The following WDPCP variants were observed in gnomAD, a reference collection of about 807,000 sequenced individuals.
WDPCP encodes WD repeat containing planar cell polarity effector.
In WDPCP, 71 loss-of-function variants were observed where a neutral mutation model predicts 93.1. That is an observed-to-expected ratio of 0.76 (90% confidence interval 0.63 to 0.93). The LOEUF is 0.93. Ranked by LOEUF, WDPCP falls within the 40% of genes least tolerant of loss-of-function variation. The pLI, the probability that WDPCP is intolerant of heterozygous loss-of-function variation, is 0.00. For synonymous variants in WDPCP, 315 were observed against 315.0 expected, an observed-to-expected ratio of 1.00 and a Z score of 0.00; for missense variants, 844 against 887.4, an observed-to-expected ratio of 0.95 and a Z score of 0.62.
intron 12 of WDPCP, among the ~76,000 whole-genome samples, chr2:63,363,403 G>T (rs545488394): frequency 6.6e-6 from 1 of 152,194 alleles, no homozygotes; most frequent in African/African-American, 2.4e-5. Context: ...TTTGAGACCA[G>T]CCTGGGCAAC....
intron 12 of WDPCP, among the ~76,000 whole-genome samples, chr2:63,329,416 T>C (rs1687817165): frequency 6.6e-6 from 1 of 152,214 alleles, no homozygotes; most frequent in South Asian, 2.1e-4. Context: ...TTTTTGCAAG[T>C]ACATTGCTTT....
In WDPCP at chr2:63,308,124, A is replaced by G. The variant is rs374038189; in HGVS notation, c.1812+5124T>C. ...ACTTCTCAAAAGAAGACATTTATGC[A>G]GCAACAAACATATGAAAAAAAGCTC... On this transcript the variant is annotated intron_variant, in intron 13 of 17. Transcript: ENST00000272321. Among the ~76,000 whole-genome samples the G allele has an allele frequency of 8.5e-5, 13 of 152,232 alleles. No homozygotes were observed. The East Asian group carries it at 1.2e-3, about 14-fold the overall frequency.
chr2:63,727,432 C>T (rs538141529), intron 2 of WDPCP, among the ~76,000 whole-genome samples: 1 of 152,216 alleles, frequency 6.6e-6, no homozygotes, highest in African/African-American at 2.4e-5. Context: ...TTCATGTCCT[C>T]CTGGATTCAG....
At chr2:63,812,545 C>T (rs1670877772) in intron 2 of WDPCP, among the ~76,000 whole-genome samples, 1 of 152,166 alleles carries the variant, frequency 6.6e-6, no homozygotes, top group Admixed American at 6.5e-5. Context: ...TATAAGCATT[C>T]CCTTTTCTCC....
chr2:63,351,963 T>C (rs1315696117), intron 12 of WDPCP, among the ~76,000 whole-genome samples: 2 of 152,226 alleles, frequency 1.3e-5, no homozygotes, highest in African/African-American at 4.8e-5. Context: ...TACCAGCCAT[T>C]CTGATTGGTG....
At chr2:63,185,506 C>G (rs1181069935) in intron 14 of WDPCP, among the ~76,000 whole-genome samples, 4 of 152,036 alleles carry the variant, frequency 2.6e-5, no homozygotes, top group South Asian at 4.2e-4. Context: ...GTATGAATTC[C>G]TTGGTTGTAA....
chr2:63,602,934 CT>C (rs370479356), intron 3 of WDPCP, among the ~76,000 whole-genome samples: 1 of 131,624 alleles, frequency 7.6e-6, no homozygotes, highest in Non-Finnish European at 1.7e-5. Flanking sequence ...TTTAACCGTT[CT>C]TTTTTTTTTT....
chr2:63,446,650 G>C (rs146328106), intron 6 of WDPCP, among the ~76,000 whole-genome samples: 1 of 152,176 alleles, frequency 6.6e-6, no homozygotes, highest in Non-Finnish European at 1.5e-5. Flanking sequence ...GTGGTGGGCA[G>C]TGCACAGTCC....
chr2:63,291,700 T>C (rs1246380568), intron 13 of WDPCP, among the ~76,000 whole-genome samples: 3 of 151,670 alleles, frequency 2.0e-5, no homozygotes, highest in Non-Finnish European at 2.9e-5. Flanking sequence ...TCCCAGGTAC[T>C]TGGGAGGGAG....
Position 63,790,384 on chromosome 2 carries a change from T to A in WDPCP, n.308+23238A>T, listed in dbSNP as rs377531029. ...AGAAGAAACCAAACCAATAACAGAG[T>A]CAGTACCAGCCACAGGGAAGCAAGG... On this transcript the variant is annotated intron_variant and non_coding_transcript_variant, in intron 2 of 4. Transcript: ENST00000467687. 1.6e-4 allele frequency among the ~76,000 whole-genome samples: 24 copies of A among 151,692 alleles called. No individual in the cohort carries two copies. The East Asian group carries it at 2.3e-3, about 15-fold the overall frequency.
At chr2:63,158,131 A>G (rs1012171597) in intron 15 of WDPCP, among the ~76,000 whole-genome samples, 3 of 151,612 alleles carry the variant, frequency 2.0e-5, no homozygotes, top group Non-Finnish European at 4.4e-5. Context: ...AATTTTCTCT[A>G]TTTCTTTCTG....
intron 14 of WDPCP, among the ~76,000 whole-genome samples, chr2:63,219,277 T>C (rs552684726): frequency 6.6e-6 from 1 of 152,300 alleles, no homozygotes; most frequent in South Asian, 2.1e-4. Context: ...AATTTACAAG[T>C]AGGGTGTGGC....
At chr2:63,321,335 T>C (rs1318508308) in intron 12 of WDPCP, among the ~76,000 whole-genome samples, 1 of 151,954 alleles carries the variant, frequency 6.6e-6, no homozygotes, top group Non-Finnish European at 1.5e-5. Context: ...TATATATATA[T>C]ATATATACAT....
At chr2:63,840,649 C>G in the WDPCP span, among the ~76,000 whole-genome samples, 1 of 152,204 alleles carries the variant, frequency 6.6e-6, no homozygotes, top group African/African-American at 2.4e-5. Flanking sequence ...GTGGGGAGCT[C>G]CGGCTCTATC....
chr2:63,185,591 C>A, intron 14 of WDPCP, among the ~76,000 whole-genome samples: 1 of 152,148 alleles, frequency 6.6e-6, no homozygotes. Flanking sequence ...AGGCGCATGA[C>A]CTCCTGTGAA....
chr2:63,557,456 G>T (rs1706215717), intron 1 of WDPCP, among the ~76,000 whole-genome samples: 1 of 152,140 alleles, frequency 6.6e-6, no homozygotes, highest in Non-Finnish European at 1.5e-5. Context: ...AACAAGAAAA[G>T]CTAACTATCC....
intron 1 of WDPCP, among the ~76,000 whole-genome samples, chr2:63,557,666 A>T (rs1483106276): frequency 6.6e-6 from 1 of 152,096 alleles, no homozygotes; most frequent in Non-Finnish European, 1.5e-5. Flanking sequence ...CATCTATAGA[A>T]CACTCCACCC....
intron 17 of WDPCP, among the ~76,000 whole-genome samples, chr2:63,135,524 G>A (rs553048498): frequency 9.2e-5 from 14 of 152,124 alleles, no homozygotes; most frequent in South Asian, 2.1e-4. Context: ...GAGAGACAGC[G>A]TTTCACCATG....
At chr2:63,584,489 C>A (rs1708712793) in intron 1 of WDPCP, among the ~76,000 whole-genome samples, 2 of 151,848 alleles carry the variant, frequency 1.3e-5, no homozygotes, top group East Asian at 3.9e-4. Context: ...TTCAATGAAT[C>A]CAATGAAAAT....
Sources: allele counts gnomAD v4.1 joint callset (sites outside exome capture counted in the v4.1 genomes callset), GRCh38; gene constraint gnomAD v4.1.1; transcripts MANE v1.5; gene names NCBI Gene and HGNC (gene_info 2026-07-23, HGNC 2026-07-21).